Variants in ZUP1 observed in about 807,000 individuals in gnomAD.
The protein encoded by ZUP1 is zinc finger-containing ubiquitin peptidase 1.
Under a neutral mutation model 68.1 loss-of-function variants are expected in ZUP1, and 55 were observed. That is an observed-to-expected ratio of 0.81 (90% CI 0.65 to 1.01). ZUP1 has a LOEUF of 1.01. Ranked by LOEUF, ZUP1 falls within the 50% of genes least tolerant of loss-of-function variation. The pLI, the probability that ZUP1 is intolerant of heterozygous loss-of-function variation, is 0.00. For missense variants in ZUP1, 684 were observed against 674.9 expected (o/e 1.01, Z -0.15); for synonymous variants, 223 against 221.5 (o/e 1.01, Z -0.06).
intron 2 of ZUP1, among the ~76,000 whole-genome samples, chr6:116,663,748 C>T (rs1776912430): frequency 6.6e-6 from 1 of 151,852 alleles, no homozygotes; most frequent in Non-Finnish European, 1.5e-5. Flanking sequence ...CAAGACCAGC[C>T]TGAGTAACAT....
At chr6:116,663,645 A>G (rs1776909636) in intron 2 of ZUP1, among the ~76,000 whole-genome samples, 1 of 152,226 alleles carries the variant, frequency 6.6e-6, no homozygotes, top group Non-Finnish European at 1.5e-5. Context: ...TAGAATTATT[A>G]AAATTCGTTA....
intron 2 of ZUP1, among the ~76,000 whole-genome samples, chr6:116,663,302 C>T (rs142594080): frequency 8.9e-4 from 135 of 152,312 alleles, no homozygotes; most frequent in Non-Finnish European, 1.1e-3. Context: ...CATATCTTCT[C>T]TATATGATAA....
chr6:116,652,542 T>C (rs1248866845), intron 5 of ZUP1, among the ~76,000 whole-genome samples: 1 of 152,172 alleles, frequency 6.6e-6, no homozygotes, highest in East Asian at 1.9e-4. Context: ...CAAAAAATAT[T>C]AATAGCTCCC....
At chr6:116,658,766 C>A in intron 4 of ZUP1, 37 bp downstream of exon 4, 2 of 1,509,406 alleles carry the variant, frequency 1.3e-6, no homozygotes, top group South Asian at 2.5e-5. Context: ...ATAACTTTAC[C>A]AAATCAAAAT....
At chr6:116,638,789 T>C (rs916540867) in intron 9 of ZUP1, among the ~76,000 whole-genome samples, 1 of 152,192 alleles carries the variant, frequency 6.6e-6, no homozygotes, top group Non-Finnish European at 1.5e-5. Context: ...TGCATTTCCA[T>C]CTGAGGTACC....
At chr6:116,658,557 A>G (rs1398224787) in intron 4 of ZUP1, among the ~76,000 whole-genome samples, 5 of 152,218 alleles carry the variant, frequency 3.3e-5, no homozygotes, top group Non-Finnish European at 7.3e-5. Context: ...TTCATCTGAA[A>G]AAAAAGGGGG....
At chr6:116,636,842 A>G (rs114896361) in intron 9 of ZUP1, among the ~76,000 whole-genome samples, 3,079 of 152,280 alleles carry the variant, frequency 0.02, 101 homozygotes, top group African/African-American at 0.07. Context: ...CTTTGAAGAA[A>G]TACTTTTAAA....
intron 4 of ZUP1, among the ~76,000 whole-genome samples, chr6:116,658,169 C>T (rs569986592): frequency 3.0e-4 from 45 of 151,992 alleles, no homozygotes; most frequent in Admixed American, 1.4e-3. Flanking sequence ...CTACAGTCTA[C>T]AAATTAGGAC....
At chr6:116,654,007 G>A (rs1309930462) in intron 5 of ZUP1, among the ~76,000 whole-genome samples, 1 of 151,952 alleles carries the variant, frequency 6.6e-6, no homozygotes, top group Non-Finnish European at 1.5e-5. Flanking sequence ...CAGTATATAA[G>A]TGAAGACTCT....
chr6:116,650,329 G>T (rs779207698), intron 7 of ZUP1, among the ~76,000 whole-genome samples: 13 of 150,570 alleles, frequency 8.6e-5, no homozygotes, highest in Non-Finnish European at 1.6e-4. Context: ...GGCTGAGGCA[G>T]GGGAATCGCT....
intron 6 of ZUP1, 54 bp downstream of exon 6, chr6:116,651,950 T>C: frequency 4.5e-6 from 7 of 1,556,966 alleles, no homozygotes; most frequent in Non-Finnish European, 6.2e-6. Context: ...TATATCATTC[T>C]ATATCATATG....
At chr6:116,656,993 C>A in intron 4 of ZUP1, 141 bp from the exon 5 acceptor site, 2 of 505,744 alleles carry the variant, frequency 4.0e-6, no homozygotes, top group Non-Finnish European at 6.4e-6. Context: ...AAGATTTTTA[C>A]AAAAACTAAT....
At chr6:116,664,425 C>T (rs1378697674) in intron 2 of ZUP1, among the ~76,000 whole-genome samples, 9 of 131,566 alleles carry the variant, frequency 6.8e-5, no homozygotes, top group Admixed American at 3.3e-4. Flanking sequence ...GGCAAAAGTC[C>T]ATCAAAAAAA....
At chr6:116,660,593 G>A (rs1319998887) in intron 3 of ZUP1, 143 bp downstream of exon 3, 1 of 546,172 alleles carries the variant, frequency 1.8e-6, no homozygotes, top group Non-Finnish European at 3.2e-6. Context: ...CTAAAGAAAT[G>A]GCCTCAACTT....
chr6:116,658,970 A>G (rs1436200233), intron 3 of ZUP1, 46 bp from the exon 4 acceptor site: 1 of 1,482,390 alleles, frequency 6.7e-7, no homozygotes, highest in Non-Finnish European at 9.1e-7. Context: ...TGTTGCAATC[A>G]AAGATTATTT....
chr6:116,648,706 G>A (rs1324121494), intron 7 of ZUP1, among the ~76,000 whole-genome samples: 2 of 151,936 alleles, frequency 1.3e-5, no homozygotes, highest in Non-Finnish European at 2.9e-5. Context: ...TCACGCCTGT[G>A]ATCCCAGTAC....
chr6:116,639,181 C>T (rs1054586060), intron 9 of ZUP1, among the ~76,000 whole-genome samples: 9 of 152,098 alleles, frequency 5.9e-5, no homozygotes, highest in South Asian at 2.1e-4. Flanking sequence ...ACAAAGCAGC[C>T]GGGAAGCTCG....
chr6:116,660,699 T>G (rs759313982), intron 3 of ZUP1, 37 bp downstream of exon 3: 1 of 1,210,534 alleles, frequency 8.3e-7, no homozygotes, highest in East Asian at 2.4e-5. Context: ...AAAGTAGAAA[T>G]TAAATGATAT....
At chr6:116,650,512 A>G (rs12664517) in intron 7 of ZUP1, among the ~76,000 whole-genome samples, 7,501 of 152,082 alleles carry the variant, frequency 0.049, 197 homozygotes, top group South Asian at 0.077. Flanking sequence ...TTATCAAACA[A>G]CAATAGTTAA....
Sources: gnomAD v4.1 joint callset for allele counts (sites outside exome capture counted in the v4.1 genomes callset) on GRCh38, gnomAD v4.1.1 for gene constraint, MANE v1.5 for transcripts, NCBI Gene and HGNC (gene_info 2026-07-23, HGNC 2026-07-21) for gene names.